Variants in RRP12 observed in about 807,000 individuals in gnomAD.
RRP12 encodes the protein ribosomal RNA processing 12 homolog, also known as RRP12-like protein.
RRP12 carries 78 observed loss-of-function variants against 157.3 expected under a neutral mutation model. The ratio of observed to expected loss-of-function variants is 0.50; its 90% CI spans 0.41 to 0.60. The LOEUF (loss-of-function observed/expected upper bound fraction) is 0.60. Among genes scored for constraint, RRP12 ranks in the 20% least tolerant of loss-of-function variants. The pLI is 0.00. For synonymous variants in RRP12, 726 were observed against 670.9 expected, an observed-to-expected ratio of 1.08 and a Z score of -1.27; for missense variants, 1,521 against 1,679.9, an observed-to-expected ratio of 0.91 and a Z score of 1.65.
chr10:97,369,256 C>G (rs1844071481), intron 25 of RRP12, among the ~76,000 whole-genome samples, 169 bp downstream of exon 25: 1 of 152,220 alleles, frequency 6.6e-6, no homozygotes, highest in South Asian at 2.1e-4. Context: ...TGTGCCCCCT[C>G]CTCGCCTCCA....
rs140989103 is a variant in RRP12, at chr10:97,365,270, G to A, written c.3517+838C>T. On this transcript the variant is annotated intron_variant, in intron 29 of 33. Coordinates refer to ENST00000370992, the MANE Select transcript of RRP12 (RefSeq NM_015179.4). ...GACAGGTGTGTTCTTGAAGACCTAGGTGTTTTTTTTTTTTTTTTTTTGAGA... is the reference window on the plus strand; with the variant it reads ...GACAGGTGTGTTCTTGAAGACCTAGATGTTTTTTTTTTTTTTTTTTTGAGA... 8.6e-3 allele frequency among the ~76,000 whole-genome samples: 1,190 copies of A among 138,382 alleles called. 22 individuals are homozygous for A. The highest frequency in any genetic ancestry group is 0.029 in the African/African-American group (1,129 of 38,382). 90.8% of individuals were successfully genotyped at this position (138,382 alleles called of 152,430 possible). A position where few individuals can be genotyped will look rare whatever the true frequency, so the allele number is the denominator to read the frequency against.
intron 13 of RRP12, among the ~76,000 whole-genome samples, 194 bp from the exon 14 acceptor site, chr10:97,379,964 A>G (rs182565075): frequency 4.6e-5 from 7 of 152,216 alleles, no homozygotes; most frequent in African/African-American, 1.7e-4. Context: ...ATTCTGTTAC[A>G]TTTAACAACA....
chr10:97,388,107 A>T, intron 8 of RRP12, 145 bp downstream of exon 8: 1 of 1,045,676 alleles, frequency 9.6e-7, no homozygotes, highest in Non-Finnish European at 1.4e-6. Flanking sequence ...GCCAAACACC[A>T]CAGAGTAACG....
At position 97,366,218 on chromosome 10, in the gene RRP12, G is replaced by A. The variant is rs1196766180; in HGVS notation, c.3407C>T (p.Pro1136Leu). The part of the protein sequence containing the change: ...AQRVLATQPG[P>L]GRGRKKDHGF... The stretch of plus-strand genomic sequence containing the variant: ...GTGGTCCTTCTTCCTGCCCCGGCCT[G>A]GCCCTGGCTGCGTGGCTGGGGTGTA... Residue 1136 changes from proline to leucine, a missense_variant, in exon 29 of 34, where the codon CCA becomes CTA. By Grantham distance (98) the Pro-to-Leu change is moderately conservative (BLOSUM62 -3). Transcript: ENST00000370992. 5 of 1,611,608 alleles carry A rather than the reference G, an allele frequency of 3.1e-6. No homozygotes were observed. The highest frequency in any genetic ancestry group is 1.3e-5 in the African/African-American group (1 of 74,934).
intron 32 of RRP12, 118 bp downstream of exon 32, chr10:97,358,825 G>GA: frequency 1.1e-6 from 1 of 875,678 alleles, no homozygotes; most frequent in Non-Finnish European, 1.8e-6. Context: ...TTCTTTCCTG[G>GA]CCTCAGTTGA....
rs11189186 is a variant in RRP12 at position 97,385,031 on chromosome 10, A to G, written c.1208+135T>C. Reference sequence around the variant, plus strand: ...CCTTGGCAGCCTGGACACAGGCCCTAAGGACCCCCCCAACCTTGGCAGCCA... The same window carrying G: ...CCTTGGCAGCCTGGACACAGGCCCTGAGGACCCCCCCAACCTTGGCAGCCA... On this transcript the variant is annotated intron_variant, in intron 10 of 33. Transcript: ENST00000370992. 2.8e-5 allele frequency: 11 copies of G among 387,502 alleles called. No individual in the cohort carries two copies. In the African/African-American group the frequency reaches 3.6e-4, roughly 13 times the overall value. 24.0% of individuals were successfully genotyped at this position (387,502 alleles called of 1,614,324 possible).
In RRP12 at chr10:97,372,986, T is replaced by A. The variant is rs376602243; in HGVS notation, c.2181+60A>T. 1.9e-5 allele frequency: 29 copies of A among 1,537,780 alleles called. No individual in the cohort carries two copies. The African/African-American group carries it at 3.8e-4, about 20-fold the overall frequency. Reference sequence around the variant, plus strand: ...CCCTGGTGGGTAGGGTCTCGGCCTCTCTGACCCTGCCCACCTGAGAGCTCC... The same window carrying A: ...CCCTGGTGGGTAGGGTCTCGGCCTCACTGACCCTGCCCACCTGAGAGCTCC... On this transcript the variant is annotated intron_variant, in intron 18 of 33. Transcript: ENST00000370992.
chr10:97,393,536 T>G, intron 4 of RRP12, 148 bp downstream of exon 4: 1 of 721,432 alleles, frequency 1.4e-6, no homozygotes, highest in Non-Finnish European at 2.5e-6. Context: ...GTATGTCACA[T>G]GCTGGCCCAT....
At position 97,388,413 on chromosome 10, in the gene RRP12, C is replaced by G. The variant is rs771553051; in HGVS notation, c.890-34G>C. The G allele has an allele frequency of 5.0e-6, 8 of 1,613,138 alleles. No individual in the cohort carries two copies. In the East Asian group the frequency reaches 1.8e-4, roughly 36 times the overall value. ...CAGAAGAGGAATTGAGACACCAGCC[C>G]CGCCCTACCGCAGGCCCTGTCCTGC... On this transcript the variant is annotated intron_variant, in intron 7 of 33. Transcript: ENST00000370992.
At chr10:97,391,037 T>C (rs7909345) in intron 4 of RRP12, among the ~76,000 whole-genome samples, 193 bp from the exon 5 acceptor site, 58,138 of 151,836 alleles carry the variant, frequency 0.38, 11,617 homozygotes, top group African/African-American at 0.5. Flanking sequence ...TCCCTGCCTC[T>C]CTCACCTTCC....
intron 4 of RRP12, 38 bp downstream of exon 4, chr10:97,393,645 AC>A: frequency 1.3e-6 from 2 of 1,532,796 alleles, no homozygotes; most frequent in South Asian, 2.2e-5. Flanking sequence ...TCTCCCCTCC[AC>A]AAAAAGCCTT....
intron 25 of RRP12, 103 bp from the exon 26 acceptor site, chr10:97,367,235 G>A (rs1489423652): frequency 1.7e-5 from 17 of 1,006,986 alleles, no homozygotes; most frequent in Non-Finnish European, 2.6e-5. Flanking sequence ...GCCCAGCTGA[G>A]GGGAGGGTTA....
chr10:97,366,068 G>C (rs765811238), intron 29 of RRP12, 40 bp downstream of exon 29: 11 of 1,599,606 alleles, frequency 6.9e-6, no homozygotes, highest in Middle Eastern at 1.6e-4. Flanking sequence ...GAAGGAATAA[G>C]TGAACACGGT....
At chr10:97,389,358 G>A (rs1446673431) in intron 6 of RRP12, among the ~76,000 whole-genome samples, 2 of 152,124 alleles carry the variant, frequency 1.3e-5, no homozygotes, top group East Asian at 3.9e-4. Context: ...CTCCCAAAGT[G>A]CTGGGATTAC....
chr10:97,399,167 G>A (rs555264440), intron 2 of RRP12, among the ~76,000 whole-genome samples: 1 of 152,268 alleles, frequency 6.6e-6, no homozygotes, highest in South Asian at 2.1e-4. Flanking sequence ...CAGCTACTCG[G>A]GAGGCTGAGG....
chr10:97,362,985 G>T (rs1843882990), intron 30 of RRP12, among the ~76,000 whole-genome samples: 1 of 152,160 alleles, frequency 6.6e-6, no homozygotes, highest in Admixed American at 6.5e-5. Context: ...CTGTCCCAAT[G>T]ACTCCACCAG....
At chr10:97,383,404 G>A (rs965173219) in intron 10 of RRP12, among the ~76,000 whole-genome samples, 6 of 152,304 alleles carry the variant, frequency 3.9e-5, no homozygotes, top group African/African-American at 1.2e-4. Context: ...TTATAAATTG[G>A]GGCTAAACCC....
Position 97,366,108 on chromosome 10 carries a change from C to A in RRP12, c.3517G>T (p.Gly1173Cys). Residue 1173 changes from glycine to cysteine, a missense_variant and splice_region_variant, in exon 29 of 34, where the codon GGC becomes TGC. Gly to Cys is a radical substitution (Grantham distance 159, BLOSUM62 -3). Transcript: ENST00000370992. ...NKMEEEEGAK[G>C]EDEEMADPME... Reference sequence around the variant, plus strand: ...GAATGGACAAGCGCGTTGGGCCCACCTTTGGCACCTTCCTCTTCCTCCATC... The same window carrying A: ...GAATGGACAAGCGCGTTGGGCCCACATTTGGCACCTTCCTCTTCCTCCATC... The A allele has an allele frequency of 6.2e-7, 1 of 1,602,398 alleles. No individual in the cohort carries two copies. The highest frequency in any genetic ancestry group is 1.1e-5 in the South Asian group (1 of 91,058).
In RRP12 at chr10:97,385,868, C is replaced by G. The variant is rs184980143; in HGVS notation, c.1116+27G>C. Reference sequence around the variant, plus strand: ...CCAAGGCACCACCCCCGACCTAATGCCCCCACATCCCACCAACAGGCCTCA... The same window carrying G: ...CCAAGGCACCACCCCCGACCTAATGGCCCCACATCCCACCAACAGGCCTCA... On this transcript the variant is annotated intron_variant, in intron 9 of 33. Transcript: ENST00000370992. 6 of 1,521,446 alleles carry G rather than the reference C, an allele frequency of 3.9e-6. No individual in the cohort carries two copies. The African/African-American group carries it at 6.8e-5, about 17-fold the overall frequency. 94.2% of individuals were successfully genotyped at this position (1,521,446 alleles called of 1,614,324 possible).
Sources: allele counts gnomAD v4.1 joint callset (sites outside exome capture counted in the v4.1 genomes callset), GRCh38; gene constraint gnomAD v4.1.1; transcripts MANE v1.5; gene names NCBI Gene and HGNC (gene_info 2026-07-23, HGNC 2026-07-21).